Variants in SRRM1 observed in about 807,000 individuals in gnomAD.
SRRM1 encodes the protein serine and arginine repetitive matrix 1, also known as serine/arginine repetitive matrix protein 1.
A neutral mutation model predicts 110.2 loss-of-function variants in SRRM1; 19 were observed. That is an observed-to-expected ratio of 0.17 (90% CI 0.12 to 0.25). The LOEUF is 0.25. SRRM1 is among the 10% of genes least tolerant of loss of function. The probability of loss-of-function intolerance (pLI) is 1.00; values close to 1 mark genes in which losing one functional copy is unlikely to be tolerated. For missense variants in SRRM1, 918 were observed against 1,145.8 expected (o/e 0.80, Z 2.87); for synonymous variants, 443 against 414.9 (o/e 1.07, Z -0.82).
intron 14 of SRRM1, 112 bp from the exon 15 acceptor site, chr1:24,670,008 C>CTT: frequency 1.0e-6 from 1 of 964,956 alleles, no homozygotes; most frequent in East Asian, 2.6e-5. Flanking sequence ...AACCAGCAAT[C>CTT]TAAGTGGTAT....
chr1:24,648,815 GTTTTGAAGTAACCTGT>G (rs1489906973), intron 3 of SRRM1, 28 bp from the exon 4 acceptor site: 4 of 1,591,520 alleles, frequency 2.5e-6, no homozygotes, highest in Non-Finnish European at 3.4e-6. Flanking sequence ...TGGTTGGTTG[GTTTTGAAGTAACCTGT>G]TTTTCTTCCT....
intron 4 of SRRM1, 122 bp downstream of exon 4, chr1:24,649,151 T>A: frequency 1.2e-6 from 1 of 847,224 alleles, no homozygotes; most frequent in Non-Finnish European, 1.8e-6. Flanking sequence ...GTACTGTATT[T>A]AAACATTCAG....
At chr1:24,644,139 A>G (rs992056448) in intron 1 of SRRM1, among the ~76,000 whole-genome samples, 2 of 151,948 alleles carry the variant, frequency 1.3e-5, no homozygotes, top group African/African-American at 4.8e-5. Context: ...GGTAACTCTT[A>G]CCTAGGCTCT....
rs773380930 is a variant in SRRM1 at position 24,652,531 on chromosome 1, C to A, written c.823C>A (p.Arg275=). Residue 275 remains arginine, a synonymous_variant, in exon 7 of 17, where the codon CGA becomes AGA. Coordinates refer to ENST00000323848, the MANE Select transcript of SRRM1 (RefSeq NM_005839.4). ...AAAAGAAAAGGAGAAGGAGAAGACC[C>A]GACCACGATCTCGGTCACGCTCCAA... ...SKKEKEKEKT[R]PRSRSRSKSR... The A allele has an allele frequency of 3.1e-6, 5 of 1,613,500 alleles. No homozygotes were observed. Among genetic ancestry groups the A allele is most frequent in the Non-Finnish European group, 4.2e-6 (5 of 1,179,762 alleles).
chr1:24,668,720 G>A (rs1443339951), intron 13 of SRRM1, among the ~76,000 whole-genome samples: 1 of 152,076 alleles, frequency 6.6e-6, no homozygotes, highest in Non-Finnish European at 1.5e-5. Context: ...ACTTCCTAAG[G>A]TGACCATAAT....
In SRRM1 at chr1:24,669,603, G is replaced by A. The variant is rs1253399707; in HGVS notation, c.2204+16G>A. On this transcript the variant is annotated intron_variant, in intron 14 of 16. Coordinates refer to ENST00000323848, the MANE Select transcript of SRRM1 (RefSeq NM_005839.4). ...AGATAAAAAAGTAAAAATATTTTATGCTTTTCCATTAGGAATACTTACATA... is the reference window on the plus strand; with the variant it reads ...AGATAAAAAAGTAAAAATATTTTATACTTTTCCATTAGGAATACTTACATA... 4 of 1,517,496 alleles carry A rather than the reference G, an allele frequency of 2.6e-6. No individual in the cohort carries two copies. Among genetic ancestry groups the A allele is most frequent in the Non-Finnish European group, 3.6e-6 (4 of 1,122,666 alleles). 94.0% of individuals were successfully genotyped at this position (1,517,496 alleles called of 1,614,324 possible).
At chr1:24,657,780 A>G (rs1280073278) in intron 9 of SRRM1, among the ~76,000 whole-genome samples, 1 of 152,256 alleles carries the variant, frequency 6.6e-6, no homozygotes, top group African/African-American at 2.4e-5. Context: ...TCAGTGGCAC[A>G]GTCAGCGAAG....
intron 9 of SRRM1, among the ~76,000 whole-genome samples, chr1:24,658,878 A>G (rs1018974124): frequency 1.3e-5 from 2 of 152,214 alleles, no homozygotes; most frequent in Admixed American, 1.3e-4. Flanking sequence ...TGATTTGTCC[A>G]AATGGCTTAT....
chr1:24,665,819 G>A (rs1318181741), intron 12 of SRRM1, among the ~76,000 whole-genome samples: 3 of 152,172 alleles, frequency 2.0e-5, no homozygotes, highest in African/African-American at 4.8e-5. Context: ...AAAATTTAGT[G>A]GTGACTTTTA....
In SRRM1 at chr1:24,651,741, G is replaced by T. The variant is rs976827668; in HGVS notation, c.725+129G>T. 4 of 817,166 alleles carry T rather than the reference G, an allele frequency of 4.9e-6. No homozygotes were observed. In the South Asian group the frequency reaches 6.1e-5, roughly 12 times the overall value. 50.6% of individuals were successfully genotyped at this position (817,166 alleles called of 1,614,324 possible). A position where few individuals can be genotyped will look rare whatever the true frequency, so the allele number is the denominator to read the frequency against. On this transcript the variant is annotated intron_variant, in intron 6 of 16. Coordinates refer to ENST00000323848, the MANE Select transcript of SRRM1 (RefSeq NM_005839.4). ...ATTTTTTAAATTATAAAATTAGTTT[G>T]TTGAAAAGAAATTGTTTAGGAGAGT...
chr1:24,654,812 T>G, intron 8 of SRRM1, 43 bp from the exon 9 acceptor site: 1 of 1,610,866 alleles, frequency 6.2e-7, no homozygotes. Context: ...AGGCCGTTCT[T>G]TATAAGTGTG....
intron 9 of SRRM1, among the ~76,000 whole-genome samples, chr1:24,656,598 G>T (rs1165664287): frequency 6.6e-6 from 1 of 152,128 alleles, no homozygotes; most frequent in Non-Finnish European, 1.5e-5. Flanking sequence ...CATGGCCCTG[G>T]CCTATTTTGT....
intron 10 of SRRM1, 109 bp downstream of exon 10, chr1:24,660,908 G>A: frequency 1.4e-6 from 1 of 718,574 alleles, no homozygotes; most frequent in East Asian, 2.7e-5. Flanking sequence ...TGAAGATTAA[G>A]TATAGGGTAA....
intron 4 of SRRM1, 112 bp from the exon 5 acceptor site, chr1:24,649,856 AAAG>A (rs1353883905): frequency 2.1e-6 from 2 of 932,626 alleles, no homozygotes; most frequent in African/African-American, 1.7e-5. Flanking sequence ...GTCTGGTTCA[AAAG>A]AAGAGGCCGA....
intron 5 of SRRM1, chr1:24,650,688 G>A (rs1384589914): frequency 6.6e-6 from 1 of 152,132 alleles, no homozygotes. Flanking sequence ...ATAAATGTCT[G>A]CTGGAATTAG....
intron 4 of SRRM1, among the ~76,000 whole-genome samples, 194 bp from the exon 5 acceptor site, chr1:24,649,777 T>C (rs1479714380): frequency 6.6e-6 from 1 of 152,240 alleles, no homozygotes; most frequent in Non-Finnish European, 1.5e-5. Context: ...CAGTGAATAT[T>C]TATTTGTAAA....
chr1:24,650,092 A>G lies in SRRM1; in HGVS notation c.521+6A>G, dbSNP rs897279910. 3.9e-6 allele frequency: 6 copies of G among 1,557,022 alleles called. No individual in the cohort carries two copies. The highest frequency in any genetic ancestry group is 2.3e-5 in the East Asian group (1 of 43,600). ...CGGTCTCGTAGCCCAAGAAGGTATCATACAATAGATGCATAACTGATGTTT... is the reference window on the plus strand; with the variant it reads ...CGGTCTCGTAGCCCAAGAAGGTATCGTACAATAGATGCATAACTGATGTTT... On this transcript the variant is annotated splice_donor_region_variant and intron_variant, in intron 5 of 16. Coordinates refer to ENST00000323848, the MANE Select transcript of SRRM1 (RefSeq NM_005839.4).
At chr1:24,671,322 C>T (rs2148805140) in intron 15 of SRRM1, 64 bp from the exon 16 acceptor site, 1 of 1,441,766 alleles carries the variant, frequency 6.9e-7, no homozygotes, top group Non-Finnish European at 9.5e-7. Context: ...ATAAAATGTT[C>T]AGTTGGACAG....
rs1018790416 is a variant in SRRM1, at chr1:24,673,281, A to T, written c.*995A>T. On this transcript the variant is annotated 3_prime_UTR_variant, in exon 17 of 17. Transcript: ENST00000323848. The stretch of plus-strand genomic sequence containing the variant: ...TAAATTTAAAAATTTTGCCACTCTT[A>T]CTTAGTAGTGCTTATGTAAACCTTT... 3.3e-5 allele frequency: 5 copies of T among 149,290 alleles called. No individual in the cohort carries two copies. The highest frequency in any genetic ancestry group is 4.4e-5 in the Non-Finnish European group (3 of 67,848). 9.2% of individuals were successfully genotyped at this position (149,290 alleles called of 1,614,324 possible). A position where few individuals can be genotyped will look rare whatever the true frequency, so the allele number is the denominator to read the frequency against.
Sources: allele counts gnomAD v4.1 joint callset (sites outside exome capture counted in the v4.1 genomes callset), GRCh38; gene constraint gnomAD v4.1.1; transcripts MANE v1.5; gene names NCBI Gene and HGNC (gene_info 2026-07-23, HGNC 2026-07-21).